MTBP: variants seen among roughly 807,000 people sequenced by gnomAD.
MTBP encodes mdm2-binding protein.
MTBP carries 101 observed loss-of-function variants against 117.0 expected under a neutral mutation model. That is an observed-to-expected ratio of 0.86 (90% CI 0.73 to 1.02). The LOEUF (loss-of-function observed/expected upper bound fraction) is 1.02, where lower values mean the gene tolerates loss of function less well. Ranked by LOEUF, MTBP falls within the 50% of genes least tolerant of loss-of-function variation. The pLI is 0.00. For synonymous variants in MTBP, 350 were observed against 351.5 expected (o/e 1.00, Z 0.05); for missense variants, 970 against 1,030.9 (o/e 0.94, Z 0.81).
intron 14 of MTBP, among the ~76,000 whole-genome samples, chr8:120,502,000 G>A (rs552324936): frequency 3.9e-5 from 6 of 152,248 alleles, no homozygotes; most frequent in East Asian, 1.9e-4. Context: ...TGGTTTCTGC[G>A]AGAGAACATC....
At chr8:120,509,860 A>G (rs888805503) in intron 16 of MTBP, 74 bp from the exon 17 acceptor site, 1 of 1,011,158 alleles carries the variant, frequency 9.9e-7, no homozygotes, top group Admixed American at 2.3e-5. Flanking sequence ...GATTTGTTTC[A>G]TTAGATACTT....
intron 16 of MTBP, among the ~76,000 whole-genome samples, chr8:120,508,373 TTGATA>T (rs1814732853): frequency 2.0e-5 from 3 of 152,096 alleles, no homozygotes; most frequent in Non-Finnish European, 4.4e-5. Context: ...CTGAGGGCGA[TTGATA>T]TGAGAAATGA....
intron 2 of MTBP, among the ~76,000 whole-genome samples, chr8:120,448,746 GTGT>G (rs1813277274): frequency 1.3e-5 from 2 of 152,272 alleles, no homozygotes; most frequent in African/African-American, 2.4e-5. Flanking sequence ...TGGGGAACTG[GTGT>G]TGTTTAAGCT....
At chr8:120,520,239 T>C (rs1387070548) in intron 20 of MTBP, among the ~76,000 whole-genome samples, 1 of 151,988 alleles carries the variant, frequency 6.6e-6, no homozygotes, top group Non-Finnish European at 1.5e-5. Flanking sequence ...ATCGCATCCA[T>C]AAAACTAGAA....
intron 19 of MTBP, 26 bp from the exon 20 acceptor site, chr8:120,518,678 T>C (rs1409936490): frequency 8.2e-6 from 12 of 1,461,070 alleles, no homozygotes; most frequent in Non-Finnish European, 1.1e-5. Flanking sequence ...CAAGAAATAT[T>C]CGTCATATGT....
At chr8:120,483,470 A>G (rs1195717303) in intron 11 of MTBP, among the ~76,000 whole-genome samples, 1 of 152,126 alleles carries the variant, frequency 6.6e-6, no homozygotes, top group African/African-American at 2.4e-5. Context: ...GTCCTGGGAT[A>G]TATTTTTTCC....
chr8:120,459,549 A>T (rs1813541473), intron 8 of MTBP, among the ~76,000 whole-genome samples, 200 bp downstream of exon 8: 1 of 152,146 alleles, frequency 6.6e-6, no homozygotes, highest in South Asian at 2.1e-4. Flanking sequence ...TTAGATGTTT[A>T]AAAAAATGTA....
At chr8:120,458,847 CA>C (rs5894523) in intron 7 of MTBP, among the ~76,000 whole-genome samples, 64,280 of 111,926 alleles carry the variant, frequency 0.57, 17,684 homozygotes, top group Non-Finnish European at 0.68. Flanking sequence ...ATCTCAAAGC[CA>C]AAAAAAAAAA....
rs1814265515 is a variant in MTBP, at chr8:120,488,418, A to G, written c.1339+86A>G. The G allele has an allele frequency of 3.0e-6, 3 of 986,822 alleles. 1 individual carries two copies. In the Admixed American group the frequency reaches 1.2e-4, roughly 39 times the overall value. 61.1% of individuals were successfully genotyped at this position (986,822 alleles called of 1,614,324 possible). A position where few individuals can be genotyped will look rare whatever the true frequency, so the allele number is the denominator to read the frequency against. ...TGTGGCTTTAAGTAGAAGAAATACTAAACATTTAATGAATTTATTTTCGCC... is the reference window on the plus strand; with the variant it reads ...TGTGGCTTTAAGTAGAAGAAATACTGAACATTTAATGAATTTATTTTCGCC... On this transcript the variant is annotated intron_variant, in intron 12 of 21. Transcript: ENST00000305949.
rs1025031030 is a variant in MTBP at position 120,470,542 on chromosome 8, AT to A, written c.1048-273del. 3.8e-4 allele frequency among the ~76,000 whole-genome samples: 58 copies of A among 152,186 alleles called. 1 individual carries two copies. Among genetic ancestry groups the A allele is most frequent in the Non-Finnish European group, 2.9e-5 (2 of 68,036 alleles). On this transcript the variant is annotated intron_variant, in intron 10 of 21. Coordinates refer to ENST00000305949, the MANE Select transcript of MTBP (RefSeq NM_022045.5). ...CCTGAACTTGAAGCAAATATTGTGT[AT>A]TTTTCAGAGATGTATACCTCAGTGG... is the stretch of plus-strand genomic sequence containing the variant.
chr8:120,516,076 T>A lies in MTBP; in HGVS notation c.2131T>A (p.Ser711Thr). 8 of 1,613,140 alleles carry A rather than the reference T, an allele frequency of 5.0e-6. No individual in the cohort carries two copies. Among genetic ancestry groups the A allele is most frequent in the Non-Finnish European group, 5.9e-6 (7 of 1,179,290 alleles). Reference sequence around the variant, plus strand: ...GAGCCCTCTTCCATCTCCTGTAGTTTCGTCAGATCCTGGAAGTGTCCCTGA... The same window carrying A: ...GAGCCCTCTTCCATCTCCTGTAGTTACGTCAGATCCTGGAAGTGTCCCTGA... ...VLSPLPSPVV[S>T]SDPGSVPDGE... Residue 711 changes from serine to threonine, a missense_variant, in exon 18 of 22, where the codon TCG becomes ACG. Ser to Thr is a moderately conservative substitution (Grantham distance 58, BLOSUM62 1). Transcript: ENST00000305949.
intron 11 of MTBP, 125 bp downstream of exon 11, chr8:120,471,062 G>A (rs1813806624): frequency 6.3e-6 from 4 of 636,980 alleles, no homozygotes; most frequent in Non-Finnish European, 7.9e-6. Flanking sequence ...CTGATTACCA[G>A]GAGTCCACAT....
intron 6 of MTBP, 122 bp downstream of exon 6, chr8:120,455,701 G>T (rs1490977513): frequency 3.3e-6 from 3 of 896,216 alleles, no homozygotes; most frequent in Non-Finnish European, 5.1e-6. Context: ...AAAATTCTAT[G>T]TTATACCATG....
chr8:120,465,800 C>T (rs1229336114), intron 10 of MTBP, among the ~76,000 whole-genome samples: 1 of 151,730 alleles, frequency 6.6e-6, no homozygotes, highest in African/African-American at 2.4e-5. Flanking sequence ...GCTGGGATTA[C>T]AGGCATGTGC....
At chr8:120,487,965 A>G (rs1023778273) in intron 11 of MTBP, among the ~76,000 whole-genome samples, 194 bp from the exon 12 acceptor site, 2 of 152,362 alleles carry the variant, frequency 1.3e-5, no homozygotes, top group African/African-American at 4.8e-5. Flanking sequence ...TAAAAGATTT[A>G]TGCTTTGTAA....
At chr8:120,482,451 AAAG>A (rs142003053) in intron 11 of MTBP, among the ~76,000 whole-genome samples, 2,681 of 152,268 alleles carry the variant, frequency 0.018, 79 homozygotes, top group African/African-American at 0.062. Flanking sequence ...GTTGAACAAT[AAAG>A]AAATCATTGC....
rs76213660 is a variant in MTBP at position 120,456,643 on chromosome 8, G to A, written c.720G>A (p.Arg240=). The change falls in exon 7 of 22, where the codon AGG becomes AGA. Residue 240 remains arginine (R), a synonymous_variant. Coordinates refer to ENST00000305949, the MANE Select transcript of MTBP (RefSeq NM_022045.5). ...TTATTGACTCAAAGGAATTATGGAG[G>A]GGGAAAATACAGATATGGGAAAGAA... ...RNVIDSKELW[R]GKIQIWERKF... 7.2e-5 allele frequency: 114 copies of A among 1,591,222 alleles called. 1 individual carries two copies. In the East Asian group the frequency reaches 2.5e-3, roughly 35 times the overall value.
At chr8:120,519,474 C>T (rs968454649) in intron 20 of MTBP, among the ~76,000 whole-genome samples, 5 of 151,986 alleles carry the variant, frequency 3.3e-5, no homozygotes, top group African/African-American at 9.7e-5. Flanking sequence ...TCACTCAAGA[C>T]GATGGTTTTC....
At chr8:120,453,304 G>A (rs1414539055) in intron 4 of MTBP, among the ~76,000 whole-genome samples, 1 of 152,004 alleles carries the variant, frequency 6.6e-6, no homozygotes, top group East Asian at 1.9e-4. Context: ...CAGGCATGGT[G>A]GTGTGTGCTT....
Sources: gnomAD v4.1 joint callset for allele counts (sites outside exome capture counted in the v4.1 genomes callset) on GRCh38, gnomAD v4.1.1 for gene constraint, MANE v1.5 for transcripts, NCBI Gene and HGNC (gene_info 2026-07-23, HGNC 2026-07-21) for gene names.